INPP5D: variants seen among roughly 807,000 people sequenced by gnomAD.
The protein encoded by INPP5D is phosphatidylinositol 3,4,5-trisphosphate 5-phosphatase 1.
INPP5D carries 33 observed loss-of-function variants against 122.9 expected under a neutral mutation model. That is an observed-to-expected ratio of 0.27 (90% CI 0.20 to 0.36). The LOEUF (loss-of-function observed/expected upper bound fraction) is 0.36. INPP5D is among the 10% of genes least tolerant of loss of function. INPP5D has a pLI of 1.00. For synonymous variants in INPP5D, 584 were observed against 576.2 expected (o/e 1.01, Z -0.19); for missense variants, 1,053 against 1,412.7 (o/e 0.75, Z 4.08).
intron 23 of INPP5D, 143 bp from the exon 24 acceptor site, chr2:233,195,256 C>T: frequency 7.9e-7 from 1 of 1,264,318 alleles, no homozygotes; most frequent in Non-Finnish European, 1.1e-6. Flanking sequence ...TAGGAGGCCT[C>T]AGAATCTTGC....
chr2:233,169,911 C>A, intron 14 of INPP5D, 115 bp from the exon 15 acceptor site: 1 of 1,557,846 alleles, frequency 6.4e-7, no homozygotes, highest in Non-Finnish European at 8.7e-7. Flanking sequence ...CTAAGTCTCA[C>A]TTCCCCCCAC....
At chr2:233,185,963 G>C in intron 21 of INPP5D, 38 bp downstream of exon 21, 2 of 1,552,954 alleles carry the variant, frequency 1.3e-6, no homozygotes, top group East Asian at 2.4e-5. Context: ...AGGGAGATTT[G>C]CATTTACTAG....
chr2:233,207,321 C>G lies in INPP5D; in HGVS notation c.*613C>G, dbSNP rs965186903. ...GGTAGCTTGTTTAGGGTACAAGAAGCCTGTTCTGTCCAGCTTCAGTGACAC... is the reference window on the plus strand; with the variant it reads ...GGTAGCTTGTTTAGGGTACAAGAAGGCTGTTCTGTCCAGCTTCAGTGACAC... On this transcript the variant is annotated 3_prime_UTR_variant, in exon 27 of 27. Transcript: ENST00000445964. This position sits in a 1 kb window ranked among gnomAD's most constrained non-coding sequence, Gnocchi z 4.6. 4.6e-5 allele frequency: 7 copies of G among 152,780 alleles called. No homozygotes were observed. Among genetic ancestry groups the G allele is most frequent in the Admixed American group, 1.3e-4 (2 of 15,280 alleles). The allele number at this position is 152,780 out of a possible 1,614,324, so 9.5% of individuals were successfully genotyped here.
chr2:233,201,740 C>T (rs370133317), intron 25 of INPP5D, among the ~76,000 whole-genome samples: 1 of 152,224 alleles, frequency 6.6e-6, no homozygotes, highest in Non-Finnish European at 1.5e-5. Context: ...GACCCCAGAT[C>T]GAAGCTGTGC....
chr2:233,079,095 AC>A (rs534985717), intron 1 of INPP5D, among the ~76,000 whole-genome samples: 31 of 150,464 alleles, frequency 2.1e-4, no homozygotes, highest in East Asian at 2.0e-3. Context: ...CACCTAAATG[AC>A]CCCCCCCAAC....
At chr2:233,116,248 G>GATAGATAGATAGATAGATAGAT (rs34084880) in intron 2 of INPP5D, among the ~76,000 whole-genome samples, 2,894 of 135,164 alleles carry the variant, frequency 0.021, 48 homozygotes, top group Middle Eastern at 0.058. Context: ...TAGATAGATA[G>GATAGATAGATAGATAGATAGAT]ATAGATATAG....
rs949030189 is a variant in INPP5D, at chr2:233,188,414, G to A, written c.2359-1436G>A. Among the ~76,000 whole-genome samples, 2 of 152,092 alleles carry A rather than the reference G, an allele frequency of 1.3e-5. No homozygotes were observed. Among genetic ancestry groups the A allele is most frequent in the African/African-American group, 2.4e-5 (1 of 41,394 alleles). On this transcript the variant is annotated intron_variant, in intron 21 of 26. Coordinates refer to ENST00000445964, the MANE Select transcript of INPP5D (RefSeq NM_001017915.3). The surrounding 1 kb of genome is among the most constrained non-coding windows in gnomAD (Gnocchi z 4.7). ...TTTCCACTCCATCCCAGGGAGGACCGGGTCTTCCTCCAGCATCCAAGAACC... is the reference window on the plus strand; with the variant it reads ...TTTCCACTCCATCCCAGGGAGGACCAGGTCTTCCTCCAGCATCCAAGAACC...
intron 2 of INPP5D, among the ~76,000 whole-genome samples, chr2:233,090,698 C>T (rs964748545): frequency 6.6e-6 from 1 of 152,158 alleles, no homozygotes; most frequent in African/African-American, 2.4e-5. Flanking sequence ...TGGCTCATGC[C>T]TGTAATCCCA....
Position 233,177,414 on chromosome 2 carries a change from C to T in INPP5D, c.2071+68C>T. The T allele has an allele frequency of 6.2e-7, 1 of 1,610,374 alleles. No individual in the cohort carries two copies. The highest frequency in any genetic ancestry group is 8.5e-7 in the Non-Finnish European group (1 of 1,177,594). ...GGCACCAAGCTGGGAGGTGTGACTG[C>T]CCTAAAATCTAAGGGCTTCAGTCTG... On this transcript the variant is annotated intron_variant, in intron 18 of 26. Transcript: ENST00000445964. This position sits in a 1 kb window ranked among gnomAD's most constrained non-coding sequence, Gnocchi z 4.2.
At chr2:233,086,188 T>TCTTTCTTA (rs1179291257) in intron 2 of INPP5D, among the ~76,000 whole-genome samples, 1 of 145,800 alleles carries the variant, frequency 6.9e-6, no homozygotes, top group African/African-American at 2.6e-5. Flanking sequence ...TTTCTTTCTT[T>TCTTTCTTA]CCTTTTTGAG....
At chr2:233,130,098 C>A (rs1029694108) in intron 4 of INPP5D, among the ~76,000 whole-genome samples, 1 of 152,110 alleles carries the variant, frequency 6.6e-6, no homozygotes, top group Non-Finnish European at 1.5e-5. Context: ...GGCGGGGTTT[C>A]CCCCCAGGCT....
intron 2 of INPP5D, among the ~76,000 whole-genome samples, chr2:233,088,347 T>C (rs1691905968): frequency 6.6e-6 from 1 of 152,198 alleles, no homozygotes; most frequent in African/African-American, 2.4e-5. Flanking sequence ...TGTCTGTTCA[T>C]CTTTCTCCTC....
intron 6 of INPP5D, 197 bp from the exon 7 acceptor site, chr2:233,145,965 C>A (rs1693748017): frequency 1.4e-6 from 1 of 697,668 alleles, no homozygotes; most frequent in Admixed American, 2.0e-5. Context: ...AAATGAAGAT[C>A]TATTTTTTGG....
rs1325171141 is a variant in INPP5D at position 233,206,128 on chromosome 2, C to A, written c.3568-578C>A. Among the ~76,000 whole-genome samples the A allele has an allele frequency of 4.6e-5, 7 of 152,090 alleles. No homozygotes were observed. Among genetic ancestry groups the A allele is most frequent in the African/African-American group, 1.4e-4 (6 of 41,404 alleles). ...TTGGATTTGAATCCCAGCCCTCCCA[C>A]CTCCTGGCTCTGTGCCTTGAGCCTC... is the stretch of plus-strand genomic sequence containing the variant. On this transcript the variant is annotated intron_variant, in intron 26 of 26. Coordinates refer to ENST00000445964, the MANE Select transcript of INPP5D (RefSeq NM_001017915.3). This position sits in a 1 kb window ranked among gnomAD's most constrained non-coding sequence, Gnocchi z 4.0.
intron 18 of INPP5D, among the ~76,000 whole-genome samples, chr2:233,180,305 C>G (rs997315157): frequency 2.0e-5 from 3 of 151,924 alleles, no homozygotes; most frequent in African/African-American, 7.3e-5. Flanking sequence ...CTTAAGGGCA[C>G]ACTGTAGTGC....
At position 233,169,373 on chromosome 2, in the gene INPP5D, T is replaced by C. The variant is rs754033172; in HGVS notation, c.1624T>C (p.Leu542=). 3.4e-5 allele frequency: 54 copies of C among 1,601,818 alleles called. No individual in the cohort carries two copies. Among genetic ancestry groups the C allele is most frequent in the Non-Finnish European group, 4.6e-5 (54 of 1,174,076 alleles). ...GTSLGFVNSH[L]TSGSEKKLRR... is the part of the protein sequence containing the mutation. ...CTCCTTAGGGTTCGTCAACAGCCAC[T>C]TGACTTCAGGAAGTGAAAAGAAACT... Residue 542 remains leucine (L), a synonymous_variant, in exon 14 of 27, where the codon TTG becomes CTG. Transcript: ENST00000445964.
intron 1 of INPP5D, among the ~76,000 whole-genome samples, chr2:233,065,465 A>G (rs1425737984): frequency 3.1e-5 from 2 of 64,936 alleles, no homozygotes; most frequent in African/African-American, 1.5e-4. Flanking sequence ...CTGCCACCAC[A>G]CCGGGCTAAT....
intron 5 of INPP5D, among the ~76,000 whole-genome samples, chr2:233,138,302 C>T (rs13017426): frequency 6.6e-5 from 4 of 60,410 alleles, no homozygotes; most frequent in Non-Finnish European, 1.5e-4. Flanking sequence ...GTAAGATTGT[C>T]TAAAAAAAAA....
Position 233,060,584 on chromosome 2 carries a change from A to G in INPP5D, c.106A>G (p.Ile36Val), listed in dbSNP as rs528814058. Reference protein sequence around the residue: ...GSFLVRASESISRAYALCVLY... With the variant: ...GSFLVRASESVSRAYALCVLY... ...CTTCCTCGTGCGTGCCAGCGAGTCC[A>G]TCTCCCGGGCATACGCGCTCTGCGT... Residue 36 changes from isoleucine to valine, a missense_variant, in exon 1 of 27, where the codon ATC becomes GTC. By Grantham distance (29) the Ile-to-Val change is conservative. Transcript: ENST00000445964. The G allele has an allele frequency of 4.2e-5, 68 of 1,613,998 alleles. No individual in the cohort carries two copies. The South Asian group carries it at 4.8e-4, about 11-fold the overall frequency.
Sources: gnomAD v4.1 joint callset for allele counts (sites outside exome capture counted in the v4.1 genomes callset) on GRCh38, gnomAD v4.1.1 for gene constraint, Gnocchi (gnomAD v3.1) non-coding constraint, MANE v1.5 for transcripts, NCBI Gene and HGNC (gene_info 2026-07-23, HGNC 2026-07-21) for gene names.